The following ANKFN1 variants were observed in gnomAD, a reference collection of about 807,000 sequenced individuals.
The protein encoded by ANKFN1 is ankyrin repeat and fibronectin type-III domain-containing protein 1.
In ANKFN1, 74 loss-of-function variants were observed where a neutral mutation model predicts 108.7. That is an observed-to-expected ratio of 0.68 (90% CI 0.56 to 0.83). ANKFN1 has a LOEUF of 0.83. Ranked by LOEUF, ANKFN1 falls within the 40% of genes least tolerant of loss-of-function variation. The pLI, the probability that ANKFN1 is intolerant of heterozygous loss-of-function variation, is 0.00. For synonymous variants in ANKFN1, 547 were observed against 516.2 expected (o/e 1.06, Z -0.81); for missense variants, 1,505 against 1,382.3 (o/e 1.09, Z -1.41).
At chr17:56,248,042 T>A (rs2043156572) in intron 3 of ANKFN1, among the ~76,000 whole-genome samples, 1 of 152,202 alleles carries the variant, frequency 6.6e-6, no homozygotes, top group African/African-American at 2.4e-5. Context: ...ATTTACTTAG[T>A]CGTCAGCAAC....
At chr17:56,234,267 C>T (rs539437487) in intron 3 of ANKFN1, among the ~76,000 whole-genome samples, 2 of 151,918 alleles carry the variant, frequency 1.3e-5, no homozygotes, top group East Asian at 1.9e-4. Flanking sequence ...TTCAAATAAA[C>T]TAAAAAGCAT....
intron 15 of ANKFN1, chr17:56,471,629 G>T (rs1212877148): frequency 6.6e-6 from 1 of 152,174 alleles, no homozygotes; most frequent in Non-Finnish European, 1.5e-5. Flanking sequence ...CCAAACAGTA[G>T]AAGTAAACTA....
At chr17:56,503,918 A>G (rs1387364434) in intron 20 of ANKFN1, among the ~76,000 whole-genome samples, 1 of 152,216 alleles carries the variant, frequency 6.6e-6, no homozygotes, top group Non-Finnish European at 1.5e-5. Flanking sequence ...AAGCAAGTTT[A>G]TTAAAATAAC....
chr17:56,146,217 C>G (rs1235372958), intron 4 of ANKFN1, among the ~76,000 whole-genome samples: 2 of 152,196 alleles, frequency 1.3e-5, no homozygotes, highest in African/African-American at 4.8e-5. Flanking sequence ...TACCCTGTGG[C>G]TTTGCAGGGT....
At chr17:56,122,861 A>T (rs1477571958) in intron 4 of ANKFN1, among the ~76,000 whole-genome samples, 1 of 152,152 alleles carries the variant, frequency 6.6e-6, no homozygotes, top group Non-Finnish European at 1.5e-5. Context: ...TTGTTTTTTC[A>T]GGGATTATGA....
intron 1 of ANKFN1, among the ~76,000 whole-genome samples, chr17:56,154,457 G>A (rs565192024): frequency 2.6e-4 from 40 of 152,134 alleles, no homozygotes; most frequent in East Asian, 7.7e-4. Context: ...CCAGAGCACC[G>A]TTCAGTTTTC....
intron 4 of ANKFN1, among the ~76,000 whole-genome samples, chr17:56,083,202 G>A (rs1394583862): frequency 6.8e-6 from 1 of 147,728 alleles, no homozygotes; most frequent in Non-Finnish European, 1.5e-5. Flanking sequence ...ACTCAACTGT[G>A]CCGAGAAGAA....
At chr17:56,118,620 C>T (rs1422020619) in intron 4 of ANKFN1, among the ~76,000 whole-genome samples, 1 of 152,126 alleles carries the variant, frequency 6.6e-6, no homozygotes, top group Non-Finnish European at 1.5e-5. Context: ...TGTGTTAACA[C>T]ACATTTAATC....
intron 3 of ANKFN1, among the ~76,000 whole-genome samples, chr17:56,308,259 G>A (rs543427601): frequency 7.3e-4 from 110 of 151,490 alleles, no homozygotes; most frequent in African/African-American, 2.6e-3. Flanking sequence ...AGAAGTTAAA[G>A]CATAAAAAAA....
intron 8 of ANKFN1, among the ~76,000 whole-genome samples, chr17:56,402,589 G>A (rs1353649769): frequency 6.6e-6 from 1 of 151,930 alleles, no homozygotes; most frequent in Non-Finnish European, 1.5e-5. Context: ...TCTTTTCTTG[G>A]TTAATCTTGC....
At chr17:56,364,672 G>C (rs16957121) in intron 6 of ANKFN1, among the ~76,000 whole-genome samples, 1 of 152,184 alleles carries the variant, frequency 6.6e-6, no homozygotes. Flanking sequence ...AGTTCCAAAA[G>C]TTCCTTTCTG....
chr17:56,405,491 A>G (rs1214211909), intron 8 of ANKFN1, among the ~76,000 whole-genome samples: 2 of 152,212 alleles, frequency 1.3e-5, no homozygotes, highest in African/African-American at 4.8e-5. Flanking sequence ...ATCTATCAAC[A>G]TTACAAATGC....
rs561147045 is a variant in ANKFN1, at chr17:56,145,148, G to A, written c.289-82769G>A. ...TATCTTGTTCTATAAGGCAGGCATG[G>A]GTGAGAAACAAGCAGTGAGTGTGCA... On this transcript the variant is annotated intron_variant, in intron 4 of 12. Coordinates refer to the ANKFN1 transcript ENST00000635860. Among the ~76,000 whole-genome samples the A allele has an allele frequency of 2.3e-4, 35 of 152,294 alleles. 1 individual carries two copies. The South Asian group carries it at 6.4e-3, about 28-fold the overall frequency.
At chr17:56,171,744 G>C (rs1910711848) in intron 1 of ANKFN1, among the ~76,000 whole-genome samples, 1 of 152,124 alleles carries the variant, frequency 6.6e-6, no homozygotes, top group South Asian at 2.1e-4. Flanking sequence ...TCTTCACACA[G>C]ACCCATTAAA....
intron 18 of ANKFN1, among the ~76,000 whole-genome samples, chr17:56,490,792 A>T (rs773523512): frequency 6.6e-6 from 1 of 152,116 alleles, no homozygotes; most frequent in Non-Finnish European, 1.5e-5. Context: ...AGGCCTCCTG[A>T]GTTGAGAAAA....
chr17:56,118,693 A>T (rs1286908292), intron 4 of ANKFN1, among the ~76,000 whole-genome samples: 1 of 152,160 alleles, frequency 6.6e-6, no homozygotes, highest in East Asian at 1.9e-4. Context: ...GTACTGGTGG[A>T]ACAGTAGTGA....
chr17:56,173,671 A>G (rs1910876727), intron 1 of ANKFN1, among the ~76,000 whole-genome samples: 2 of 152,054 alleles, frequency 1.3e-5, no homozygotes, highest in African/African-American at 4.8e-5. Context: ...TATGTTGCCC[A>G]GGCTGGTTGT....
chr17:56,145,871 T>C (rs3922293), intron 4 of ANKFN1, among the ~76,000 whole-genome samples: 98,809 of 152,048 alleles, frequency 0.65, 32,596 homozygotes, highest in East Asian at 0.94. Flanking sequence ...TCCAAACAAT[T>C]GCCTGAGGTC....
At chr17:56,275,424 C>T (rs2144208240) in intron 3 of ANKFN1, among the ~76,000 whole-genome samples, 1 of 151,702 alleles carries the variant, frequency 6.6e-6, no homozygotes, top group South Asian at 2.1e-4. Flanking sequence ...AGAACCACTA[C>T]CATAGACGAT....
Sources: gnomAD v4.1 joint callset for allele counts (sites outside exome capture counted in the v4.1 genomes callset) on GRCh38, gnomAD v4.1.1 for gene constraint, MANE v1.5 for transcripts, NCBI Gene and HGNC (gene_info 2026-07-23, HGNC 2026-07-21) for gene names.